The following TASP1 variants were observed in gnomAD, a reference collection of about 807,000 sequenced individuals.
TASP1 encodes the protein threonine aspartase 1.
A neutral mutation model predicts 56.6 loss-of-function variants in TASP1; 16 were observed. That is an observed-to-expected ratio of 0.28 (90% CI 0.19 to 0.43). TASP1 has a LOEUF of 0.43. Among genes scored for constraint, TASP1 ranks in the 20% least tolerant of loss-of-function variants. The pLI, the probability that TASP1 is intolerant of heterozygous loss-of-function variation, is 1.00. For missense variants in TASP1, 393 were observed against 511.6 expected (o/e 0.77, Z 2.24); for synonymous variants, 179 against 184.2 (o/e 0.97, Z 0.23).
chr20:13,407,438 T>C (rs1371553698), intron 13 of TASP1, among the ~76,000 whole-genome samples: 1 of 152,250 alleles, frequency 6.6e-6, no homozygotes, highest in Non-Finnish European at 1.5e-5. Context: ...AAATATTCCA[T>C]TGTATGAATA....
chr20:13,611,533 A>G (rs2048347074), intron 4 of TASP1, among the ~76,000 whole-genome samples: 1 of 152,208 alleles, frequency 6.6e-6, no homozygotes, highest in Non-Finnish European at 1.5e-5. Flanking sequence ...AATTAAATCA[A>G]AGCTCATTCC....
intron 10 of TASP1, among the ~76,000 whole-genome samples, chr20:13,504,659 T>G (rs960125499): frequency 6.6e-6 from 1 of 152,114 alleles, no homozygotes; most frequent in African/African-American, 2.4e-5. Flanking sequence ...GTAGCTACAA[T>G]AATTTGTTAA....
intron 10 of TASP1, among the ~76,000 whole-genome samples, chr20:13,507,928 C>T (rs1296639622): frequency 6.6e-6 from 1 of 152,106 alleles, no homozygotes; most frequent in Non-Finnish European, 1.5e-5. Flanking sequence ...TAAACCCACA[C>T]ATACGCAGTC....
At chr20:13,385,504 T>C (rs886612008), downstream of TASP1, among the ~76,000 whole-genome samples, 1 of 152,196 alleles carries the variant, frequency 6.6e-6, no homozygotes, top group Non-Finnish European at 1.5e-5. Flanking sequence ...AGAGCCCCAG[T>C]GAGGGGCATA....
At chr20:13,322,182 GAT>G in the TASP1 span, among the ~76,000 whole-genome samples, 1 of 152,320 alleles carries the variant, frequency 6.6e-6, no homozygotes, top group Admixed American at 6.5e-5. Flanking sequence ...ACCTAGCCTA[GAT>G]GACTTCCAAT....
chr20:13,346,070 T>C, the TASP1 span, among the ~76,000 whole-genome samples: 1 of 152,138 alleles, frequency 6.6e-6, no homozygotes, highest in African/African-American at 2.4e-5. Context: ...AATCTGACTG[T>C]CTTCTGCTTC....
intron 1 of TASP1, among the ~76,000 whole-genome samples, chr20:13,632,389 A>G (rs2049129160): frequency 6.6e-6 from 1 of 151,848 alleles, no homozygotes; most frequent in East Asian, 1.9e-4. Flanking sequence ...AGAAAAAAGA[A>G]AAAAAGAAAA....
intron 11 of TASP1, among the ~76,000 whole-genome samples, chr20:13,466,865 G>T (rs935844065): frequency 6.6e-6 from 1 of 152,144 alleles, no homozygotes; most frequent in Non-Finnish European, 1.5e-5. Flanking sequence ...CAGCTCACAT[G>T]TGTACAGAAT....
At chr20:13,110,085 A>AT in the TASP1 span, 1 of 1,555,662 alleles carries the variant, frequency 6.4e-7, no homozygotes, top group Non-Finnish European at 8.7e-7. Flanking sequence ...TTCATGACTC[A>AT]ATTTTTTTTT....
chr20:13,531,687 A>G (rs2045226134), intron 9 of TASP1, among the ~76,000 whole-genome samples: 1 of 151,880 alleles, frequency 6.6e-6, no homozygotes, highest in Non-Finnish European at 1.5e-5. Context: ...TTGTTTTGAC[A>G]CAGAGTCTCA....
chr20:13,121,956 A>C, the TASP1 span, among the ~76,000 whole-genome samples: 1 of 152,220 alleles, frequency 6.6e-6, no homozygotes, highest in Admixed American at 6.5e-5. Context: ...AGGGTTGGGG[A>C]CATTGGGAAG....
At chr20:13,362,438 T>G in the TASP1 span, among the ~76,000 whole-genome samples, 2 of 148,984 alleles carry the variant, frequency 1.3e-5, no homozygotes, top group Non-Finnish European at 3.0e-5. Context: ...TGAAAGTCCT[T>G]TTCCTGGCTC....
the TASP1 span, among the ~76,000 whole-genome samples, chr20:13,351,026 G>A: frequency 6.6e-6 from 1 of 150,892 alleles, no homozygotes; most frequent in African/African-American, 2.4e-5. Flanking sequence ...TAAAAGAGTT[G>A]AACAGGCACT....
chr20:13,222,722 T>C, the TASP1 span, among the ~76,000 whole-genome samples: 1 of 152,226 alleles, frequency 6.6e-6, no homozygotes, highest in Non-Finnish European at 1.5e-5. Flanking sequence ...GAGTTCTGAC[T>C]TAGGAATAGA....
chr20:13,211,553 G>T, the TASP1 span, among the ~76,000 whole-genome samples: 2 of 152,110 alleles, frequency 1.3e-5, no homozygotes, highest in Non-Finnish European at 2.9e-5. Flanking sequence ...CAGTACTTCT[G>T]TTATCTCAGT....
the TASP1 span, among the ~76,000 whole-genome samples, chr20:13,327,300 G>A: frequency 6.6e-6 from 1 of 151,988 alleles, no homozygotes; most frequent in African/African-American, 2.4e-5. Flanking sequence ...CACTGCTCAA[G>A]AAAATCAGAG....
At chr20:13,207,622 T>A in the TASP1 span, among the ~76,000 whole-genome samples, 2,155 of 152,262 alleles carry the variant, frequency 0.014, 29 homozygotes, top group South Asian at 0.028. Flanking sequence ...AAGACTGATA[T>A]CCCAAGTCAA....
chr20:13,455,145 A>C (rs986530157), intron 11 of TASP1, among the ~76,000 whole-genome samples: 3 of 152,162 alleles, frequency 2.0e-5, no homozygotes, highest in Non-Finnish European at 4.4e-5. Flanking sequence ...ATTAACTTTT[A>C]AAGTTTTTAA....
chr20:13,162,982 A>G, the TASP1 span, among the ~76,000 whole-genome samples: 3 of 152,146 alleles, frequency 2.0e-5, no homozygotes, highest in Non-Finnish European at 4.4e-5. Flanking sequence ...GCAGACATTA[A>G]CATAAATTCT....
Sources: gnomAD v4.1 joint callset for allele counts (sites outside exome capture counted in the v4.1 genomes callset) on GRCh38, gnomAD v4.1.1 for gene constraint, MANE v1.5 for transcripts, NCBI Gene and HGNC (gene_info 2026-07-23, HGNC 2026-07-21) for gene names.